The following IQCK variants were observed in gnomAD, a reference collection of about 807,000 sequenced individuals.
The protein encoded by IQCK is IQ domain-containing protein K.
Under a neutral mutation model 28.1 loss-of-function variants are expected in IQCK, and 29 were observed. The ratio of observed to expected loss-of-function variants is 1.03; its 90% CI spans 0.77 to 1.41. The LOEUF (loss-of-function observed/expected upper bound fraction) is 1.41. IQCK is among the 40% of genes most tolerant of loss of function. The pLI is 0.00. For synonymous variants in IQCK, 113 were observed against 115.1 expected (o/e 0.98, Z 0.12); for missense variants, 359 against 314.7 (o/e 1.14, Z -1.07).
At chr16:19,729,942 C>G (rs553596674) in intron 1 of IQCK, among the ~76,000 whole-genome samples, 14 of 151,798 alleles carry the variant, frequency 9.2e-5, no homozygotes. Context: ...CCACGCCCGG[C>G]CTATTTTATT....
At chr16:19,811,776 C>A (rs2055908571) in intron 7 of IQCK, among the ~76,000 whole-genome samples, 1 of 152,096 alleles carries the variant, frequency 6.6e-6, no homozygotes, top group African/African-American at 2.4e-5. Context: ...ACATTAAGTT[C>A]ATTCTTAACA....
At chr16:19,806,551 G>A (rs2055836728) in intron 7 of IQCK, among the ~76,000 whole-genome samples, 1 of 151,422 alleles carries the variant, frequency 6.6e-6, no homozygotes, top group Non-Finnish European at 1.5e-5. Context: ...ATAGCTGAGT[G>A]TGGTGGCACA....
intron 1 of IQCK, among the ~76,000 whole-genome samples, chr16:19,728,760 C>T (rs1301070871): frequency 6.6e-6 from 1 of 152,138 alleles, no homozygotes; most frequent in African/African-American, 2.4e-5. Flanking sequence ...TAATTTGTTA[C>T]ACAATAATAG....
At chr16:19,856,653 A>T in exon 10 of IQCK, 1 of 875,066 alleles carries the variant, frequency 1.1e-6, no homozygotes, top group African/African-American at 1.7e-5. Context: ...CAAGACTTGG[A>T]ACATGTGCAA....
chr16:19,731,628 A>G (rs1020475221), intron 2 of IQCK, among the ~76,000 whole-genome samples: 1 of 152,220 alleles, frequency 6.6e-6, no homozygotes, highest in African/African-American at 2.4e-5. Flanking sequence ...CTTGACCCGT[A>G]TAAAGAGATT....
chr16:19,757,683 C>G (rs1404062890), intron 4 of IQCK, among the ~76,000 whole-genome samples: 2 of 152,138 alleles, frequency 1.3e-5, no homozygotes, highest in Non-Finnish European at 2.9e-5. Context: ...AAACAAAATT[C>G]TGCATTTTCT....
chr16:19,784,454 A>G (rs1432976574), intron 6 of IQCK, among the ~76,000 whole-genome samples: 1 of 152,148 alleles, frequency 6.6e-6, no homozygotes, highest in Non-Finnish European at 1.5e-5. Flanking sequence ...CTCATTCTTC[A>G]TGTTGTGTGG....
downstream of IQCK, among the ~76,000 whole-genome samples, chr16:19,832,060 A>C (rs917578914): frequency 6.6e-5 from 10 of 152,112 alleles, no homozygotes; most frequent in Non-Finnish European, 1.5e-4. Context: ...ATGTAGTAAA[A>C]AATATCGTGT....
At chr16:19,813,870 G>C (rs1274444000) in intron 7 of IQCK, among the ~76,000 whole-genome samples, 1 of 151,960 alleles carries the variant, frequency 6.6e-6, no homozygotes, top group Non-Finnish European at 1.5e-5. Flanking sequence ...CTTTTGTTTT[G>C]TTTTGTTTTG....
chr16:19,836,661 A>G (rs544619018), intron 9 of IQCK, among the ~76,000 whole-genome samples: 269 of 152,058 alleles, frequency 1.8e-3, no homozygotes, highest in African/African-American at 6.1e-3. Context: ...CTACAGGCGC[A>G]CGCCACCACG....
At chr16:19,740,051 C>T (rs1049722940) in intron 4 of IQCK, among the ~76,000 whole-genome samples, 1 of 152,208 alleles carries the variant, frequency 6.6e-6, no homozygotes, top group Non-Finnish European at 1.5e-5. Flanking sequence ...GATCCTGAAG[C>T]CTGGGTTTCC....
intron 4 of IQCK, among the ~76,000 whole-genome samples, chr16:19,737,745 C>T (rs1230197652): frequency 6.6e-6 from 1 of 152,072 alleles, no homozygotes; most frequent in Non-Finnish European, 1.5e-5. Flanking sequence ...CCCCGCAGTG[C>T]TCCCCTTCCC....
intron 6 of IQCK, among the ~76,000 whole-genome samples, chr16:19,769,338 C>T (rs1291461143): frequency 1.3e-5 from 2 of 152,204 alleles, no homozygotes; most frequent in African/African-American, 4.8e-5. Context: ...AGCATCACAG[C>T]ATGTCTGTCT....
intron 1 of IQCK, among the ~76,000 whole-genome samples, chr16:19,723,819 G>T (rs1977569749): frequency 1.3e-5 from 2 of 152,096 alleles, no homozygotes; most frequent in African/African-American, 4.8e-5. Flanking sequence ...AATTAGCCAG[G>T]CATGGCAGTG....
chr16:19,778,102 G>A (rs536320977), intron 6 of IQCK, among the ~76,000 whole-genome samples: 1 of 152,276 alleles, frequency 6.6e-6, no homozygotes, highest in South Asian at 2.1e-4. Flanking sequence ...AGTATGGCAG[G>A]CACATCTGGG....
At chr16:19,733,726 A>T in exon 3 of IQCK, 1 of 1,614,156 alleles carries the variant, frequency 6.2e-7, no homozygotes, top group African/African-American at 1.3e-5. Context: ...ATGCTTTTTC[A>T]TGGCTTCAGT....
chr16:19,752,160 T>C (rs1202373322), intron 4 of IQCK, among the ~76,000 whole-genome samples: 1 of 152,204 alleles, frequency 6.6e-6, no homozygotes, highest in East Asian at 1.9e-4. Context: ...CTTAAGGAAT[T>C]CCATGACATT....
intron 4 of IQCK, among the ~76,000 whole-genome samples, chr16:19,745,511 G>A (rs985937697): frequency 1.4e-4 from 21 of 152,170 alleles, no homozygotes; most frequent in Non-Finnish European, 2.2e-4. Flanking sequence ...AAAAGCAGTT[G>A]GAAGTAATTA....
intron 3 of IQCK, 87 bp downstream of exon 3, chr16:19,733,914 C>T (rs746905770): frequency 1.6e-6 from 2 of 1,272,814 alleles, no homozygotes; most frequent in South Asian, 1.4e-5. Flanking sequence ...ACAGATGGAC[C>T]TCAGGGAGAC....
Sources: gnomAD v4.1 joint callset for allele counts (sites outside exome capture counted in the v4.1 genomes callset) on GRCh38, gnomAD v4.1.1 for gene constraint, MANE v1.5 for transcripts, NCBI Gene and HGNC (gene_info 2026-07-23, HGNC 2026-07-21) for gene names.